DIS3L2: variants seen among roughly 807,000 people sequenced by gnomAD.
The protein encoded by DIS3L2 is DIS3 like 3'-5' exoribonuclease 2.
In DIS3L2, 34 loss-of-function variants were observed where a neutral mutation model predicts 97.5. That is an observed-to-expected ratio of 0.35 (90% CI 0.27 to 0.46). DIS3L2 has a LOEUF of 0.46. DIS3L2 is among the 20% of genes least tolerant of loss of function. The pLI is 1.00. For synonymous variants in DIS3L2, 435 were observed against 445.2 expected (o/e 0.98, Z 0.29); for missense variants, 1,038 against 1,146.0 (o/e 0.91, Z 1.36).
chr2:231,987,366 A>G (rs1470297673), intron 1 of DIS3L2, among the ~76,000 whole-genome samples: 3 of 152,258 alleles, frequency 2.0e-5, no homozygotes, highest in Non-Finnish European at 2.9e-5. Flanking sequence ...GTTTGCCAAG[A>G]TTGCAGTTTC....
intron 12 of DIS3L2, among the ~76,000 whole-genome samples, chr2:232,258,698 GA>G (rs1288118852): frequency 5.3e-5 from 8 of 151,470 alleles, no homozygotes; most frequent in Non-Finnish European, 8.8e-5. Flanking sequence ...CTTTTTCCGT[GA>G]AAAACTCTGT....
chr2:232,310,697 A>C (rs561719243), intron 14 of DIS3L2, among the ~76,000 whole-genome samples: 1 of 152,262 alleles, frequency 6.6e-6, no homozygotes, highest in Non-Finnish European at 1.5e-5. Context: ...CAAGCTGTAC[A>C]TAAGAGGACC....
intron 13 of DIS3L2, among the ~76,000 whole-genome samples, chr2:232,272,025 G>A (rs919919782): frequency 2.6e-5 from 4 of 152,146 alleles, no homozygotes; most frequent in Admixed American, 6.5e-5. Context: ...GCTTGTTCAC[G>A]AGTGCATAAA....
intron 12 of DIS3L2, among the ~76,000 whole-genome samples, chr2:232,250,681 T>C (rs1449788145): frequency 6.6e-6 from 1 of 152,116 alleles, no homozygotes; most frequent in East Asian, 1.9e-4. Flanking sequence ...CAGGGTAAAG[T>C]AAGAGGTGTC....
intron 5 of DIS3L2, among the ~76,000 whole-genome samples, chr2:232,066,076 C>G (rs1289402848): frequency 6.6e-6 from 1 of 151,774 alleles, no homozygotes; most frequent in Non-Finnish European, 1.5e-5. Context: ...GTAGGATTTT[C>G]TGCATATATA....
rs777964808 is a variant in DIS3L2, at chr2:232,333,797, G to T, written c.2011-43G>T. 4.7e-6 allele frequency: 7 copies of T among 1,490,576 alleles called. No individual in the cohort carries two copies. In the South Asian group the frequency reaches 8.3e-5, roughly 18 times the overall value. 92.3% of individuals were successfully genotyped at this position (1,490,576 alleles called of 1,614,324 possible). A position where few individuals can be genotyped will look rare whatever the true frequency, so the allele number is the denominator to read the frequency against. On this transcript the variant is annotated intron_variant, in intron 16 of 20. Coordinates refer to ENST00000325385, the MANE Select transcript of DIS3L2 (RefSeq NM_152383.5). ...GTGCCAGCCTTCCAGGCCTGGCTGG[G>T]CAGCTCTGGGCTTGTCAGGCTCTGA... is the stretch of plus-strand genomic sequence containing the variant.
At chr2:232,181,657 G>C (rs1174338111) in intron 9 of DIS3L2, among the ~76,000 whole-genome samples, 1 of 150,168 alleles carries the variant, frequency 6.7e-6, no homozygotes, top group African/African-American at 2.5e-5. Flanking sequence ...TTAATTTTTT[G>C]AGACAATGTC....
intron 10 of DIS3L2, among the ~76,000 whole-genome samples, chr2:232,221,450 T>C (rs1351331594): frequency 6.6e-6 from 1 of 152,188 alleles, no homozygotes; most frequent in African/African-American, 2.4e-5. Flanking sequence ...CTGAAGAGGA[T>C]AAAATCTGCG....
Position 232,336,971 on chromosome 2 carries a change from A to T in DIS3L2, c.*341A>T. The T allele has an allele frequency of 2.6e-6, 3 of 1,153,644 alleles. No homozygotes were observed. Among genetic ancestry groups the T allele is most frequent in the Non-Finnish European group, 3.2e-6 (3 of 931,142 alleles). The allele number at this position is 1,153,644 out of a possible 1,614,324, so 71.5% of individuals were successfully genotyped here. ...TGTCACAGAATAAAATCAAGTGTGGAGTGCCATCTGGTGTGTAGGGCGCCT... is the reference window on the plus strand; with the variant it reads ...TGTCACAGAATAAAATCAAGTGTGGTGTGCCATCTGGTGTGTAGGGCGCCT... On this transcript the variant is annotated 3_prime_UTR_variant, in exon 21 of 21. Transcript: ENST00000325385.
intron 10 of DIS3L2, among the ~76,000 whole-genome samples, chr2:232,224,358 G>A (rs550577273): frequency 2.6e-5 from 4 of 152,246 alleles, no homozygotes; most frequent in African/African-American, 7.2e-5. Flanking sequence ...ATTCCATGTG[G>A]CTCATAGATC....
At chr2:232,241,441 A>G (rs1340818350) in intron 11 of DIS3L2, among the ~76,000 whole-genome samples, 6 of 152,046 alleles carry the variant, frequency 3.9e-5, no homozygotes, top group Non-Finnish European at 7.4e-5. Context: ...CCTTATCTAA[A>G]CTCTAATTGG....
chr2:232,087,035 T>C (rs1389984281), intron 5 of DIS3L2, among the ~76,000 whole-genome samples: 1 of 152,138 alleles, frequency 6.6e-6, no homozygotes, highest in Non-Finnish European at 1.5e-5. Context: ...TCACACTTAA[T>C]TTTGTTTTTT....
intron 10 of DIS3L2, among the ~76,000 whole-genome samples, chr2:232,223,973 A>C (rs72994268): frequency 0.012 from 1,889 of 152,252 alleles, 17 homozygotes; most frequent in Non-Finnish European, 0.018. Flanking sequence ...CTATAGTCCT[A>C]GTTACTCAAG....
At chr2:232,121,983 A>G (rs34708021) in intron 6 of DIS3L2, among the ~76,000 whole-genome samples, 18,868 of 152,172 alleles carry the variant, frequency 0.12, 1,500 homozygotes, top group Middle Eastern at 0.19. Flanking sequence ...TCCTGCCTCC[A>G]GTCTCACTTT....
At chr2:232,113,861 G>C (rs1373952621) in intron 6 of DIS3L2, among the ~76,000 whole-genome samples, 1 of 152,228 alleles carries the variant, frequency 6.6e-6, no homozygotes, top group African/African-American at 2.4e-5. Context: ...TTAGGCACAA[G>C]ATTAGAAATT....
At position 232,329,652 on chromosome 2, in the gene DIS3L2, G is replaced by A. The variant is rs1165009719; in HGVS notation, c.1740-161G>A. 4 of 699,532 alleles carry A rather than the reference G, an allele frequency of 5.7e-6. No individual in the cohort carries two copies. In the African/African-American group the frequency reaches 7.4e-5, roughly 13 times the overall value. The allele number at this position is 699,532 out of a possible 1,614,324, so 43.3% of individuals were successfully genotyped here. A position where few individuals can be genotyped will look rare whatever the true frequency, so the allele number is the denominator to read the frequency against. On this transcript the variant is annotated intron_variant, in intron 14 of 20. Coordinates refer to ENST00000325385, the MANE Select transcript of DIS3L2 (RefSeq NM_152383.5). ...GACCATGGGGGTGCTGGGCAAGACA[G>A]GGACTTGGCGGAACACATGAGATGA...
chr2:232,139,153 T>G (rs1698441276), intron 8 of DIS3L2, among the ~76,000 whole-genome samples: 2 of 152,196 alleles, frequency 1.3e-5, no homozygotes, highest in African/African-American at 4.8e-5. Context: ...CTGGTGATTC[T>G]TTTAAAAACC....
At chr2:232,308,932 G>C (rs1041465428) in intron 14 of DIS3L2, among the ~76,000 whole-genome samples, 1 of 152,158 alleles carries the variant, frequency 6.6e-6, no homozygotes, top group South Asian at 2.1e-4. Context: ...GTTCGTTCAG[G>C]TGCTCTGACA....
At chr2:232,186,212 T>G (rs146366462) in intron 9 of DIS3L2, among the ~76,000 whole-genome samples, 451 of 152,300 alleles carry the variant, frequency 3.0e-3, no homozygotes, top group African/African-American at 9.9e-3. Context: ...ACACATCACA[T>G]TAGAAGTGAT....
Sources: gnomAD v4.1 joint callset for allele counts (sites outside exome capture counted in the v4.1 genomes callset) on GRCh38, gnomAD v4.1.1 for gene constraint, MANE v1.5 for transcripts, NCBI Gene and HGNC (gene_info 2026-07-23, HGNC 2026-07-21) for gene names.